CDCA7L: variants seen among roughly 807,000 people sequenced by gnomAD.
CDCA7L encodes cell division cycle associated 7 like.
In CDCA7L, 44 loss-of-function variants were observed where a neutral mutation model predicts 57.4. That is an observed-to-expected ratio of 0.77 (90% CI 0.60 to 0.98). The LOEUF (loss-of-function observed/expected upper bound fraction) is 0.98, where lower values mean the gene tolerates loss of function less well. CDCA7L is among the 50% of genes least tolerant of loss of function. CDCA7L has a pLI of 0.00. For synonymous variants in CDCA7L, 236 were observed against 202.8 expected, an observed-to-expected ratio of 1.16 and a Z score of -1.39; for missense variants, 644 against 580.6, an observed-to-expected ratio of 1.11 and a Z score of -1.12.
intron 1 of CDCA7L, among the ~76,000 whole-genome samples, chr7:21,936,815 G>C (rs1249636772): frequency 6.6e-6 from 1 of 152,156 alleles, no homozygotes; most frequent in Non-Finnish European, 1.5e-5. Flanking sequence ...GGTCTAGCCA[G>C]ACCAATCAGG....
intron 3 of CDCA7L, among the ~76,000 whole-genome samples, chr7:21,909,425 G>A (rs1306014501): frequency 2.6e-5 from 4 of 152,030 alleles, no homozygotes; most frequent in East Asian, 1.9e-4. Context: ...GAATGGCACC[G>A]ATACGGACCC....
intron 1 of CDCA7L, among the ~76,000 whole-genome samples, chr7:21,941,819 C>G (rs1436055301): frequency 6.6e-6 from 1 of 152,156 alleles, no homozygotes; most frequent in Admixed American, 6.5e-5. Context: ...GGGATTAAAT[C>G]TGATAACTTT....
At chr7:21,931,207 A>ATACATCCC (rs1785998744) in intron 1 of CDCA7L, among the ~76,000 whole-genome samples, 2 of 152,244 alleles carry the variant, frequency 1.3e-5, no homozygotes, top group African/African-American at 4.8e-5. Context: ...TACAAAGAGG[A>ATACATCCC]GCTGGTACCA....
At chr7:21,904,032 G>A (rs944456482) in intron 8 of CDCA7L, 78 bp downstream of exon 8, 2 of 1,384,950 alleles carry the variant, frequency 1.4e-6, no homozygotes, top group African/African-American at 1.5e-5. Context: ...AGTTCCCAGT[G>A]AGAACCCAGG....
At chr7:21,907,702 T>C (rs550103372) in intron 4 of CDCA7L, among the ~76,000 whole-genome samples, 12 of 152,318 alleles carry the variant, frequency 7.9e-5, no homozygotes, top group East Asian at 5.8e-4. Flanking sequence ...CTGGTCACCA[T>C]AGAAGAGTGG....
At chr7:21,918,022 A>G (rs961128585) in intron 1 of CDCA7L, among the ~76,000 whole-genome samples, 1 of 82,770 alleles carries the variant, frequency 1.2e-5, no homozygotes, top group African/African-American at 6.9e-5. Context: ...GACCATGACA[A>G]CTGCCTTGTA....
intron 1 of CDCA7L, among the ~76,000 whole-genome samples, chr7:21,934,994 A>G (rs1786122285): frequency 6.6e-6 from 1 of 152,214 alleles, no homozygotes; most frequent in Non-Finnish European, 1.5e-5. Context: ...CACTTTCAAC[A>G]GTGAACAGAA....
chr7:21,941,329 C>G (rs2128071381), intron 1 of CDCA7L, among the ~76,000 whole-genome samples: 1 of 152,206 alleles, frequency 6.6e-6, no homozygotes, highest in South Asian at 2.1e-4. Flanking sequence ...GCTGATAGTG[C>G]TAAGGAAAGC....
Position 21,908,076 on chromosome 7 carries a change from A to T in CDCA7L, c.681+54T>A, listed in dbSNP as rs1785195308. Reference sequence around the variant, plus strand: ...AGCAAAGTGGTTCTGGGAGCCCAGCAACTGCTGCCAGAGCCTGGTGCCAAC... The same window carrying T: ...AGCAAAGTGGTTCTGGGAGCCCAGCTACTGCTGCCAGAGCCTGGTGCCAAC... On this transcript the variant is annotated intron_variant, in intron 4 of 9. Transcript: ENST00000406877. 8 of 1,489,934 alleles carry T rather than the reference A, an allele frequency of 5.4e-6. No individual in the cohort carries two copies. In the East Asian group the frequency reaches 1.6e-4, roughly 31 times the overall value. 92.3% of individuals were successfully genotyped at this position (1,489,934 alleles called of 1,614,324 possible).
chr7:21,945,351 G>C (rs1004570162), intron 1 of CDCA7L, among the ~76,000 whole-genome samples: 1 of 148,502 alleles, frequency 6.7e-6, no homozygotes, highest in African/African-American at 2.6e-5. Context: ...CTGGTCTGGC[G>C]ATCGACTGTT....
chr7:21,901,763 TGTCC>T lies in CDCA7L; in HGVS notation c.*555_*558del, dbSNP rs1338377208. 52 of 15,724 alleles carry T rather than the reference TGTCC, an allele frequency of 3.3e-3. No individual in the cohort carries two copies. The Non-Finnish European group carries it at 0.054, about 16-fold the overall frequency. 1.0% of individuals were successfully genotyped at this position (15,724 alleles called of 1,614,324 possible). On this transcript the variant is annotated 3_prime_UTR_variant, in exon 10 of 10. Transcript: ENST00000406877. ...GGCTAGCACTCTGTAAGGCCTCCAGTGTCCAGTGTCTACAATGTTGATGGTCCCC... is the reference window on the plus strand; with the variant it reads ...GGCTAGCACTCTGTAAGGCCTCCAGTAGTGTCTACAATGTTGATGGTCCCC...
At chr7:21,902,483 C>CAATT in intron 9 of CDCA7L, 131 bp from the exon 10 acceptor site, 1 of 850,632 alleles carries the variant, frequency 1.2e-6, no homozygotes, top group Non-Finnish European at 2.0e-6. Context: ...GAAATCCTGA[C>CAATT]AATTTATGCA....
At chr7:21,934,705 T>C (rs1786111329) in intron 1 of CDCA7L, among the ~76,000 whole-genome samples, 1 of 151,924 alleles carries the variant, frequency 6.6e-6, no homozygotes, top group South Asian at 2.1e-4. Flanking sequence ...AAGACACCAA[T>C]AGGTTAAAAG....
chr7:21,919,636 C>A (rs888750875), intron 1 of CDCA7L, among the ~76,000 whole-genome samples: 1 of 152,122 alleles, frequency 6.6e-6, no homozygotes, highest in Non-Finnish European at 1.5e-5. Flanking sequence ...AAATCCAACA[C>A]GGAGGCTTCT....
rs72658846 is a variant in CDCA7L, at chr7:21,902,133, CCTCTG to C, written c.*184_*188del. 1,006 of 635,160 alleles carry C rather than the reference CCTCTG, an allele frequency of 1.6e-3. 5 individuals carry two copies. The highest frequency in any genetic ancestry group is 3.7e-3 in the Middle Eastern group (9 of 2,460). 39.3% of individuals were successfully genotyped at this position (635,160 alleles called of 1,614,324 possible). A position where few individuals can be genotyped will look rare whatever the true frequency, so the allele number is the denominator to read the frequency against. ...GTCTGTGCATACATCTATATAGATT[CCTCTG>C]CTCTGCTGTCTTCCTGAGAAATCTT... On this transcript the variant is annotated 3_prime_UTR_variant, in exon 10 of 10. Coordinates refer to ENST00000406877, the MANE Select transcript of CDCA7L (RefSeq NM_018719.5).
intron 1 of CDCA7L, among the ~76,000 whole-genome samples, chr7:21,941,199 C>T (rs1330631162): frequency 1.3e-5 from 2 of 152,022 alleles, no homozygotes; most frequent in Non-Finnish European, 2.9e-5. Context: ...ATATTTATTT[C>T]CTCTAATAAA....
chr7:21,920,730 A>C (rs905667124), intron 1 of CDCA7L, among the ~76,000 whole-genome samples: 1 of 152,260 alleles, frequency 6.6e-6, no homozygotes, highest in Admixed American at 6.5e-5. Flanking sequence ...TTGCCACCTT[A>C]TCTTTTCAAA....
In CDCA7L at chr7:21,902,118, A is replaced by C; in HGVS notation, c.*204T>G. ...TCAGCATACAGACAGGTCTGTGCATACATCTATATAGATTCCTCTGCTCTG... is the reference window on the plus strand; with the variant it reads ...TCAGCATACAGACAGGTCTGTGCATCCATCTATATAGATTCCTCTGCTCTG... On this transcript the variant is annotated 3_prime_UTR_variant, in exon 10 of 10. Coordinates refer to ENST00000406877, the MANE Select transcript of CDCA7L (RefSeq NM_018719.5). 1 of 606,204 alleles carries C rather than the reference A, an allele frequency of 1.6e-6. No homozygotes were observed. The highest frequency in any genetic ancestry group is 2.8e-5 in the East Asian group (1 of 35,966). The allele number at this position is 606,204 out of a possible 1,614,324, so 37.6% of individuals were successfully genotyped here.
chr7:21,937,455 T>TGGTAGA (rs1169756540), intron 1 of CDCA7L, among the ~76,000 whole-genome samples: 1 of 151,756 alleles, frequency 6.6e-6, no homozygotes, highest in Admixed American at 6.6e-5. Flanking sequence ...GGCAACATGG[T>TGGTAGA]GAAACCCCAT....
Sources: allele counts gnomAD v4.1 joint callset (sites outside exome capture counted in the v4.1 genomes callset), GRCh38; gene constraint gnomAD v4.1.1; transcripts MANE v1.5; gene names NCBI Gene and HGNC (gene_info 2026-07-23, HGNC 2026-07-21).